MESD: variants seen among roughly 807,000 people sequenced by gnomAD.
MESD encodes mesoderm development LRP chaperone.
MESD carries 7 observed loss-of-function variants against 12.9 expected under a neutral mutation model. The observed-to-expected ratio is 0.54, with a 90% CI of 0.31 to 1.02. The LOEUF (loss-of-function observed/expected upper bound fraction) is 1.02, where lower values mean the gene tolerates loss of function less well. Among genes scored for constraint, MESD ranks in the 50% least tolerant of loss-of-function variants. The pLI, the probability that MESD is intolerant of heterozygous loss-of-function variation, is 0.05. For missense variants in MESD, 342 were observed against 296.7 expected, an observed-to-expected ratio of 1.15 and a Z score of -1.12; for synonymous variants, 126 against 115.6, an observed-to-expected ratio of 1.09 and a Z score of -0.58.
At chr15:80,946,748 G>A, downstream of MESD, 1 of 578,684 alleles carries the variant, frequency 1.7e-6, no homozygotes, top group South Asian at 1.8e-5. Flanking sequence ...CACCAACTGT[G>A]GCCAGATGTG....
At chr15:80,948,028 G>A (rs1412620509) in exon 5 of MESD, 4 of 152,722 alleles carry the variant, frequency 2.6e-5, no homozygotes, top group East Asian at 1.9e-4. Flanking sequence ...GCCAAAGGAG[G>A]ACATAAGGAA....
intron 1 of MESD, among the ~76,000 whole-genome samples, chr15:80,985,286 G>A (rs2141816519): frequency 6.6e-6 from 1 of 152,332 alleles, no homozygotes; most frequent in South Asian, 2.1e-4. Context: ...ATGGAAAGCT[G>A]AGGGTAATAA....
At chr15:80,970,543 C>T (rs1249341031) in intron 3 of MESD, 1 of 152,216 alleles carries the variant, frequency 6.6e-6, no homozygotes, top group East Asian at 1.9e-4. Flanking sequence ...TACTTTCTGA[C>T]ATCAAAAACG....
At chr15:80,974,350 AAG>A (rs142308053), downstream of MESD, among the ~76,000 whole-genome samples, 20,740 of 152,148 alleles carry the variant, frequency 0.14, 1,433 homozygotes, top group Middle Eastern at 0.19. Flanking sequence ...AAGCATGAAT[AAG>A]AGAGGGAAAA....
exon 5 of MESD, chr15:80,948,692 G>T: frequency 6.8e-7 from 1 of 1,472,240 alleles, no homozygotes. Context: ...TGGCTAGGCG[G>T]TACCTGGTGG....
intron 3 of MESD, among the ~76,000 whole-genome samples, chr15:80,961,183 C>T (rs1902080015): frequency 6.6e-6 from 1 of 151,940 alleles, no homozygotes; most frequent in Non-Finnish European, 1.5e-5. Flanking sequence ...AACAATCCTG[C>T]CATTAAATGC....
intron 3 of MESD, chr15:80,953,027 AG>A: frequency 2.2e-6 from 1 of 456,098 alleles, no homozygotes; most frequent in South Asian, 1.5e-5. Flanking sequence ...GAAGTAGGAC[AG>A]GTGTTGGCCT....
chr15:80,956,673 A>G (rs562920562), intron 3 of MESD, among the ~76,000 whole-genome samples: 1 of 152,358 alleles, frequency 6.6e-6, no homozygotes, highest in African/African-American at 2.4e-5. Flanking sequence ...GTGCAAAGCC[A>G]AAAGCAATTC....
At chr15:80,987,615 A>G (rs993791269) in intron 1 of MESD, among the ~76,000 whole-genome samples, 2 of 151,962 alleles carry the variant, frequency 1.3e-5, no homozygotes, top group African/African-American at 4.8e-5. Context: ...CAGCCTCCCA[A>G]GTAGCTGGGA....
chr15:80,954,100 C>G (rs568301523), intron 3 of MESD, among the ~76,000 whole-genome samples: 112 of 152,280 alleles, frequency 7.4e-4, no homozygotes, highest in Admixed American at 2.3e-3. Flanking sequence ...TCTCTCCTCT[C>G]GGCTTGGCCC....
intron 3 of MESD, among the ~76,000 whole-genome samples, chr15:80,968,402 T>C (rs1056836820): frequency 2.6e-5 from 4 of 152,218 alleles, no homozygotes; most frequent in African/African-American, 7.2e-5. Context: ...CCAGGCAGGA[T>C]GTTATCCTGC....
In MESD at chr15:80,961,095, T is replaced by C. The variant is rs116969963; in HGVS notation, c.*289-8799A>G. 2.2e-4 allele frequency among the ~76,000 whole-genome samples: 33 copies of C among 152,274 alleles called. 1 individual carries two copies. In the East Asian group the frequency reaches 6.4e-3, roughly 29 times the overall value. ...TATCGCCAGGCTTAGGGGTGGTAACTGGCCCCCACTTTTGCAAGCCCAGGG... is the reference window on the plus strand; with the variant it reads ...TATCGCCAGGCTTAGGGGTGGTAACCGGCCCCCACTTTTGCAAGCCCAGGG... On this transcript the variant is annotated intron_variant, in intron 3 of 4. Transcript: ENST00000561312.
intron 3 of MESD, among the ~76,000 whole-genome samples, chr15:80,968,517 C>T (rs1902220102): frequency 6.6e-6 from 1 of 152,194 alleles, no homozygotes; most frequent in Non-Finnish European, 1.5e-5. Flanking sequence ...TTAACATGTA[C>T]TGAAAGCTCT....
intron 3 of MESD, among the ~76,000 whole-genome samples, chr15:80,964,294 A>ACTACAAAC (rs1902138595): frequency 1.3e-5 from 2 of 152,214 alleles, no homozygotes; most frequent in African/African-American, 4.8e-5. Flanking sequence ...TTCAAGGAGA[A>ACTACAAAC]CTACAAACCA....
chr15:80,973,375 A>G (rs34896477), downstream of MESD, among the ~76,000 whole-genome samples: 1,888 of 152,068 alleles, frequency 0.012, 34 homozygotes, highest in African/African-American at 0.043. Flanking sequence ...CAACAACAAC[A>G]AAACCCCACA....
intron 1 of MESD, among the ~76,000 whole-genome samples, chr15:80,985,431 A>G (rs1902703458): frequency 6.6e-6 from 1 of 152,142 alleles, no homozygotes; most frequent in African/African-American, 2.4e-5. Context: ...CAATCACTGC[A>G]TGGAAATTAT....
intron 1 of MESD, among the ~76,000 whole-genome samples, chr15:80,986,701 G>A (rs1393043124): frequency 6.6e-6 from 1 of 152,168 alleles, no homozygotes; most frequent in Non-Finnish European, 1.5e-5. Flanking sequence ...GACAAGTCAG[G>A]CAGTCCCCTG....
At position 80,989,719 on chromosome 15, in the gene MESD, G is replaced by A; in HGVS notation, c.73C>T (p.Leu25=). ...GCGCAGGACCCAGGCGGTGGTAGCA[G>A]TAGCAGCAGCAGCAGCAGGTCAGAG... ...CASDLLLLLL[L]LPPPGSCAAE... is the part of the protein sequence containing the mutation. Residue 25 remains leucine (L), a synonymous_variant, in exon 1 of 3, where the codon CTG becomes TTG. Transcript: ENST00000261758. 1.2e-6 allele frequency: 2 copies of A among 1,609,034 alleles called. No homozygotes were observed. The highest frequency in any genetic ancestry group is 1.3e-5 in the African/African-American group (1 of 75,046).
chr15:80,948,679 G>A (rs1901673617), exon 5 of MESD: 2 of 1,334,240 alleles, frequency 1.5e-6, no homozygotes, highest in Admixed American at 1.7e-5. Context: ...CCACAGTGCA[G>A]TGTGGCTAGG....
Sources: gnomAD v4.1 joint callset for allele counts (sites outside exome capture counted in the v4.1 genomes callset) on GRCh38, gnomAD v4.1.1 for gene constraint, MANE v1.5 for transcripts, NCBI Gene and HGNC (gene_info 2026-07-23, HGNC 2026-07-21) for gene names.